Variants in RAB22A observed in about 807,000 individuals in gnomAD.
RAB22A encodes the protein ras-related protein Rab-22A.
Under a neutral mutation model 30.2 loss-of-function variants are expected in RAB22A, and 13 were observed. That is an observed-to-expected ratio of 0.43 (90% CI 0.28 to 0.68). The LOEUF (loss-of-function observed/expected upper bound fraction) is 0.68, where lower values mean the gene tolerates loss of function less well. RAB22A is among the 30% of genes least tolerant of loss of function. The pLI is 0.18. For synonymous variants in RAB22A, 89 were observed against 87.2 expected, an observed-to-expected ratio of 1.02 and a Z score of -0.11; for missense variants, 177 against 246.8, an observed-to-expected ratio of 0.72 and a Z score of 1.89.
At chr20:58,327,631 A>G (rs540558443) in intron 2 of RAB22A, among the ~76,000 whole-genome samples, 1 of 152,360 alleles carries the variant, frequency 6.6e-6, no homozygotes, top group African/African-American at 2.4e-5. Context: ...TTCAGAAGGG[A>G]GTTACTAAAC....
chr20:58,334,677 A>C (rs1419443172), intron 2 of RAB22A, among the ~76,000 whole-genome samples: 8 of 151,906 alleles, frequency 5.3e-5, no homozygotes, highest in Non-Finnish European at 2.9e-5. Context: ...AAAATATATC[A>C]CAATGTCTGT....
At chr20:58,354,954 C>T (rs1987108936) in intron 6 of RAB22A, among the ~76,000 whole-genome samples, 1 of 152,086 alleles carries the variant, frequency 6.6e-6, no homozygotes, top group Admixed American at 6.5e-5. Context: ...ATAACTGATA[C>T]AAAGAAAATA....
chr20:58,337,391 G>T (rs1240405812), intron 2 of RAB22A, among the ~76,000 whole-genome samples: 1 of 152,076 alleles, frequency 6.6e-6, no homozygotes, highest in Non-Finnish European at 1.5e-5. Flanking sequence ...GTAATACAGG[G>T]TCCTCTCTCC....
At chr20:58,337,448 A>G (rs986535873) in intron 2 of RAB22A, among the ~76,000 whole-genome samples, 1 of 152,152 alleles carries the variant, frequency 6.6e-6, no homozygotes, top group Non-Finnish European at 1.5e-5. Flanking sequence ...CTCATTTGCC[A>G]TTTAAGGGAA....
chr20:58,359,801 T>G lies in RAB22A; in HGVS notation c.*98T>G. On this transcript the variant is annotated 3_prime_UTR_variant, in exon 7 of 7. Coordinates refer to ENST00000244040, the MANE Select transcript of RAB22A (RefSeq NM_020673.3). ...GCCACCAGTTTTCACCTAGCCAGTC[T>G]TGAGTCTTCTCCGTGCAAAAAGGAT... 1 of 1,036,796 alleles carries G rather than the reference T, an allele frequency of 9.6e-7. No individual in the cohort carries two copies. Among genetic ancestry groups the G allele is most frequent in the Non-Finnish European group, 1.4e-6 (1 of 701,810 alleles). The allele number at this position is 1,036,796 out of a possible 1,614,324, so 64.2% of individuals were successfully genotyped here.
chr20:58,315,561 C>G (rs201645918), intron 2 of RAB22A, among the ~76,000 whole-genome samples: 3 of 151,746 alleles, frequency 2.0e-5, no homozygotes, highest in Admixed American at 6.6e-5. Context: ...GAGGTTGGGG[C>G]GGGGGGTCAT....
chr20:58,319,707 A>G (rs1451456608), intron 2 of RAB22A, among the ~76,000 whole-genome samples: 2 of 152,176 alleles, frequency 1.3e-5, no homozygotes, highest in Non-Finnish European at 2.9e-5. Context: ...CCGTTAATGT[A>G]GGTCTTTTAC....
chr20:58,333,806 G>C (rs1986700024), intron 2 of RAB22A, among the ~76,000 whole-genome samples: 1 of 152,126 alleles, frequency 6.6e-6, no homozygotes, highest in Non-Finnish European at 1.5e-5. Context: ...TATAATCCCA[G>C]TGCTTTGGGA....
chr20:58,357,138 G>A (rs1020836871), intron 6 of RAB22A, among the ~76,000 whole-genome samples: 2 of 152,164 alleles, frequency 1.3e-5, no homozygotes, highest in African/African-American at 4.8e-5. Context: ...AACCATACCG[G>A]TAGTGTATGA....
intron 6 of RAB22A, among the ~76,000 whole-genome samples, chr20:58,359,343 G>T (rs185606518): frequency 6.6e-6 from 1 of 152,226 alleles, no homozygotes; most frequent in African/African-American, 2.4e-5. Context: ...AGTTAATAGT[G>T]ATGTGGCAAT....
rs1987268685 is a variant in RAB22A, at chr20:58,363,741, T to C, written c.*4038T>C. ...TTCAGGGGTCAAGCTGTTAACTGTA[T>C]ACCTGCCTCTAGTTAGCTTGGTTTA... On this transcript the variant is annotated 3_prime_UTR_variant, in exon 7 of 7. Coordinates refer to ENST00000244040, the MANE Select transcript of RAB22A (RefSeq NM_020673.3). 1 of 152,250 alleles carries C rather than the reference T, an allele frequency of 6.6e-6. No homozygotes were observed. Among genetic ancestry groups the C allele is most frequent in the African/African-American group, 2.4e-5 (1 of 41,474 alleles). 9.4% of individuals were successfully genotyped at this position (152,250 alleles called of 1,614,324 possible).
chr20:58,313,210 C>A (rs1986266651), intron 2 of RAB22A, among the ~76,000 whole-genome samples: 1 of 152,206 alleles, frequency 6.6e-6, no homozygotes, highest in Non-Finnish European at 1.5e-5. Flanking sequence ...CCCAATCTGC[C>A]AGATGCCTGT....
In RAB22A at chr20:58,326,488, G is replaced by GT. The variant is rs1555853535; in HGVS notation, c.116+15369dup. On this transcript the variant is annotated intron_variant, in intron 2 of 6. Coordinates refer to ENST00000244040, the MANE Select transcript of RAB22A (RefSeq NM_020673.3). ...TTGCATGTCCCAGAGTTTTTTGTTT[G>GT]TTTGTTTTGTTTTGTTTTTTATTAA... is the stretch of plus-strand genomic sequence containing the variant. 4.6e-5 allele frequency among the ~76,000 whole-genome samples: 7 copies of GT among 152,052 alleles called. No individual in the cohort carries two copies. In the South Asian group the frequency reaches 1.5e-3, roughly 32 times the overall value.
Position 58,310,006 on chromosome 20 carries a change from G to C in RAB22A, c.30G>C (p.Leu10=), listed in dbSNP as rs1986188358. ...CGCTGAGGGAGCTCAAAGTGTGTCT[G>C]CTCGGGGTGAGTGGCGGCGGGTCCG... The part of the protein sequence containing the change: MALRELKVC[L]LGDTGVGKSS... The change falls in exon 1 of 7, where the codon CTG becomes CTC. Residue 10 remains leucine (L), a synonymous_variant. Coordinates refer to ENST00000244040, the MANE Select transcript of RAB22A (RefSeq NM_020673.3). The C allele has an allele frequency of 3.9e-6, 5 of 1,283,660 alleles. No individual in the cohort carries two copies. In the East Asian group the frequency reaches 1.5e-4, roughly 40 times the overall value. The allele number at this position is 1,283,660 out of a possible 1,614,324, so 79.5% of individuals were successfully genotyped here.
rs1156953568 is a variant in RAB22A, at chr20:58,363,183, C to T, written c.*3480C>T. On this transcript the variant is annotated 3_prime_UTR_variant, in exon 7 of 7. Coordinates refer to ENST00000244040, the MANE Select transcript of RAB22A (RefSeq NM_020673.3). ...ATTCCGACGACACTGCACTAATTGG[C>T]ATGTCAGCCTCCAGCTCAGAAAGGC... The T allele has an allele frequency of 2.0e-5, 3 of 152,322 alleles. No homozygotes were observed. Among genetic ancestry groups the T allele is most frequent in the East Asian group, 3.9e-4 (2 of 5,190 alleles). 9.4% of individuals were successfully genotyped at this position (152,322 alleles called of 1,614,324 possible). A position where few individuals can be genotyped will look rare whatever the true frequency, so the allele number is the denominator to read the frequency against.
chr20:58,361,373 A>G lies in RAB22A; in HGVS notation c.*1670A>G, dbSNP rs1219447222. 1.3e-5 allele frequency: 2 copies of G among 152,364 alleles called. No homozygotes were observed. The highest frequency in any genetic ancestry group is 2.9e-5 in the Non-Finnish European group (2 of 68,024). 9.4% of individuals were successfully genotyped at this position (152,364 alleles called of 1,614,324 possible). A position where few individuals can be genotyped will look rare whatever the true frequency, so the allele number is the denominator to read the frequency against. ...TATAATTCAGATTAAATAAAAAACA[A>G]TTCCCTTTTCCCTGTTGTATATCTT... On this transcript the variant is annotated 3_prime_UTR_variant, in exon 7 of 7. Coordinates refer to ENST00000244040, the MANE Select transcript of RAB22A (RefSeq NM_020673.3).
chr20:58,342,607 AT>A, intron 2 of RAB22A, among the ~76,000 whole-genome samples: 1 of 150,970 alleles, frequency 6.6e-6, no homozygotes, highest in Non-Finnish European at 1.5e-5. Flanking sequence ...GATTGGAGTG[AT>A]TTGGGTACAA....
intron 2 of RAB22A, 24 bp from the exon 3 acceptor site, chr20:58,343,694 G>T (rs1186900706): frequency 1.3e-6 from 2 of 1,558,942 alleles, no homozygotes. Flanking sequence ...ATTGTATTCT[G>T]ATCATTTAGG....
Position 58,338,749 on chromosome 20 carries a change from T to A in RAB22A, c.117-4969T>A, listed in dbSNP as rs368193153. 2.0e-5 allele frequency among the ~76,000 whole-genome samples: 3 copies of A among 152,358 alleles called. No individual in the cohort carries two copies. The East Asian group carries it at 5.8e-4, about 29-fold the overall frequency. The stretch of plus-strand genomic sequence containing the variant: ...AGACAACTTTGTGAAGGTCCCTTGA[T>A]ACCTCTGTTAGAGGAACTTCTAGAT... On this transcript the variant is annotated intron_variant, in intron 2 of 6. Transcript: ENST00000244040.
Sources: allele counts gnomAD v4.1 joint callset (sites outside exome capture counted in the v4.1 genomes callset), GRCh38; gene constraint gnomAD v4.1.1; transcripts MANE v1.5; gene names NCBI Gene and HGNC (gene_info 2026-07-23, HGNC 2026-07-21).